Variants in NRXN1 observed in about 807,000 individuals in gnomAD.
NRXN1 encodes neurexin 1, also known as neurexin-1.
A neutral mutation model predicts 150.9 loss-of-function variants in NRXN1; 39 were observed. The observed-to-expected ratio is 0.26, with a 90% CI of 0.20 to 0.34. NRXN1 has a LOEUF of 0.34. NRXN1 is among the 10% of genes least tolerant of loss of function. The pLI, the probability that NRXN1 is intolerant of heterozygous loss-of-function variation, is 1.00. For missense variants in NRXN1, 1,815 were observed against 1,949.9 expected, an observed-to-expected ratio of 0.93 and a Z score of 1.30; for synonymous variants, 924 against 757.0, an observed-to-expected ratio of 1.22 and a Z score of -3.62.
At chr2:49,997,251 C>G (rs991334461) in intron 21 of NRXN1, among the ~76,000 whole-genome samples, 29 of 151,846 alleles carry the variant, frequency 1.9e-4, no homozygotes, top group African/African-American at 7.0e-4. Flanking sequence ...TTATAGCTCA[C>G]AAAAGAGAAT....
intron 17 of NRXN1, among the ~76,000 whole-genome samples, chr2:50,293,389 T>C (rs2073179422): frequency 6.6e-6 from 1 of 152,172 alleles, no homozygotes; most frequent in South Asian, 2.1e-4. Context: ...ACATGCATGA[T>C]ATGGCAAGCC....
chr2:50,273,447 C>A (rs1292188012), intron 17 of NRXN1, among the ~76,000 whole-genome samples: 1 of 152,066 alleles, frequency 6.6e-6, no homozygotes, highest in Non-Finnish European at 1.5e-5. Flanking sequence ...ATGATCTCTC[C>A]CCAAAATGTG....
chr2:49,956,507 T>G (rs893713629), intron 21 of NRXN1, among the ~76,000 whole-genome samples: 2 of 152,142 alleles, frequency 1.3e-5, no homozygotes, highest in Non-Finnish European at 2.9e-5. Context: ...TGATTTCATT[T>G]TTTTCATCTC....
intron 21 of NRXN1, among the ~76,000 whole-genome samples, chr2:50,012,792 T>C (rs1685927698): frequency 6.6e-6 from 1 of 152,192 alleles, no homozygotes; most frequent in African/African-American, 2.4e-5. Flanking sequence ...CTACAGTGAA[T>C]GGGAAAAGTC....
rs142392248 is a variant in NRXN1 at position 50,627,615 on chromosome 2, G to GACACAC, written c.833-4006_833-4001dup. Among the ~76,000 whole-genome samples the GACACAC allele has an allele frequency of 7.9e-3, 1,171 of 148,394 alleles. 8 individuals are homozygous for GACACAC. The highest frequency in any genetic ancestry group is 0.038 in the Middle Eastern group (11 of 292). Reference sequence around the variant, plus strand: ...TCTATGAAAGCTTTTGTCAGACACAGACACACACACACACACACACACGAG... The same window carrying GACACAC: ...TCTATGAAAGCTTTTGTCAGACACAGACACACACACACACACACACACACACACGAG... On this transcript the variant is annotated intron_variant, in intron 5 of 22. Transcript: ENST00000401669.
At chr2:50,017,619 G>A (rs914958927) in intron 21 of NRXN1, among the ~76,000 whole-genome samples, 1 of 151,034 alleles carries the variant, frequency 6.6e-6, no homozygotes, top group African/African-American at 2.4e-5. Context: ...GTTTTCAGTG[G>A]AGCTGTTTTT....
Position 50,347,112 on chromosome 2 carries a change from G to C in NRXN1, c.3365-110142C>G, listed in dbSNP as rs1358412615. ...TCCCTCCTTCGGACAGTCTTCTCGG[G>C]GTCCTGGAGTCCGCCGTGCCTAGCA... On this transcript the variant is annotated intron_variant, in intron 17 of 22. Transcript: ENST00000401669. The surrounding 1 kb of genome is among the most constrained non-coding windows in gnomAD (Gnocchi z 4.9). 5.8e-6 allele frequency: 8 copies of C among 1,386,644 alleles called. No individual in the cohort carries two copies. The highest frequency in any genetic ancestry group is 2.2e-5 in the Admixed American group (1 of 46,410). 85.9% of individuals were successfully genotyped at this position (1,386,644 alleles called of 1,614,324 possible). A position where few individuals can be genotyped will look rare whatever the true frequency, so the allele number is the denominator to read the frequency against.
At chr2:50,156,999 T>C (rs751562408) in intron 18 of NRXN1, among the ~76,000 whole-genome samples, 7 of 152,070 alleles carry the variant, frequency 4.6e-5, no homozygotes, top group African/African-American at 1.2e-4. Context: ...AAGTGCTTTG[T>C]ATGTATTATC....
intron 19 of NRXN1, among the ~76,000 whole-genome samples, chr2:50,067,747 C>A (rs1336489893): frequency 6.6e-6 from 1 of 152,266 alleles, no homozygotes; most frequent in East Asian, 1.9e-4. Context: ...GTAAGAGCAG[C>A]CCCACATTAC....
At chr2:50,480,655 C>T (rs2090392232) in intron 15 of NRXN1, among the ~76,000 whole-genome samples, 1 of 152,100 alleles carries the variant, frequency 6.6e-6, no homozygotes, top group African/African-American at 2.4e-5. Context: ...GCCTTTGGGC[C>T]ACCACTCAAA....
intron 5 of NRXN1, among the ~76,000 whole-genome samples, chr2:50,894,100 G>A (rs1435926108): frequency 6.6e-6 from 1 of 152,038 alleles, no homozygotes; most frequent in Middle Eastern, 3.4e-3. Flanking sequence ...GGGTTGGGGG[G>A]AGGGGGAAGG....
chr2:50,424,585 C>G (rs2084332466), intron 17 of NRXN1, among the ~76,000 whole-genome samples: 1 of 152,112 alleles, frequency 6.6e-6, no homozygotes, highest in African/African-American at 2.4e-5. Context: ...GGTAAGCCAG[C>G]TCTGAAAATC....
intron 5 of NRXN1, among the ~76,000 whole-genome samples, chr2:50,913,965 G>A (rs1033277234): frequency 6.6e-6 from 1 of 151,714 alleles, no homozygotes; most frequent in African/African-American, 2.4e-5. Flanking sequence ...AATCTCCTTG[G>A]TGATTACAGT....
chr2:50,513,641 A>G (rs1365931070), intron 12 of NRXN1, among the ~76,000 whole-genome samples: 2 of 152,158 alleles, frequency 1.3e-5, no homozygotes, highest in African/African-American at 4.8e-5. Flanking sequence ...ATATCTTGTG[A>G]ACAATTTATA....
intron 17 of NRXN1, among the ~76,000 whole-genome samples, chr2:50,242,238 T>C (rs2066068561): frequency 6.6e-6 from 1 of 151,830 alleles, no homozygotes; most frequent in Non-Finnish European, 1.5e-5. Context: ...TTCCAGATGC[T>C]GTTGTTAATT....
chr2:49,957,549 A>G (rs1675200077), intron 21 of NRXN1, among the ~76,000 whole-genome samples: 1 of 152,174 alleles, frequency 6.6e-6, no homozygotes, highest in South Asian at 2.1e-4. Context: ...TAAATATTCT[A>G]TAAACAGAGA....
At chr2:50,607,742 CA>C (rs71955231) in intron 8 of NRXN1, among the ~76,000 whole-genome samples, 24,830 of 108,170 alleles carry the variant, frequency 0.23, 2,548 homozygotes, top group African/African-American at 0.37. Context: ...CTCTAAAAAT[CA>C]AAAAAAAAAA....
At chr2:50,823,906 T>A (rs1459674373) in intron 5 of NRXN1, among the ~76,000 whole-genome samples, 1 of 152,180 alleles carries the variant, frequency 6.6e-6, no homozygotes, top group Non-Finnish European at 1.5e-5. Context: ...TTCTGGGACA[T>A]TTTGAATTGA....
chr2:50,941,115 C>T (rs1220481330), intron 2 of NRXN1, among the ~76,000 whole-genome samples: 2 of 152,132 alleles, frequency 1.3e-5, no homozygotes, highest in Non-Finnish European at 1.5e-5. Context: ...CCTGCTCTCT[C>T]TCTCTTCTGC....
Sources: gnomAD v4.1 joint callset for allele counts (sites outside exome capture counted in the v4.1 genomes callset) on GRCh38, gnomAD v4.1.1 for gene constraint, Gnocchi (gnomAD v3.1) non-coding constraint, MANE v1.5 for transcripts, NCBI Gene and HGNC (gene_info 2026-07-23, HGNC 2026-07-21) for gene names.